CNTNAP5: variants seen among roughly 807,000 people sequenced by gnomAD.
CNTNAP5 encodes contactin associated protein family member 5.
In CNTNAP5, 72 loss-of-function variants were observed where a neutral mutation model predicts 150.2. That is an observed-to-expected ratio of 0.48 (90% CI 0.40 to 0.58). CNTNAP5 has a LOEUF of 0.58. Among genes scored for constraint, CNTNAP5 ranks in the 20% least tolerant of loss-of-function variants. CNTNAP5 has a pLI of 0.00. For synonymous variants in CNTNAP5, 672 were observed against 619.8 expected (o/e 1.08, Z -1.25); for missense variants, 1,636 against 1,626.2 (o/e 1.01, Z -0.10).
Position 124,547,582 on chromosome 2 carries a change from G to C in CNTNAP5, c.1650-15635G>C, listed in dbSNP as rs563139322. Among the ~76,000 whole-genome samples the C allele has an allele frequency of 9.2e-5, 14 of 152,234 alleles. No individual in the cohort carries two copies. In the South Asian group the frequency reaches 2.7e-3, roughly 29 times the overall value. On this transcript the variant is annotated intron_variant, in intron 10 of 23. Transcript: ENST00000682447. ...TCCTGTTGTGTCAGTATCTGGGGTG[G>C]CTGCTCGTATTCATCTCCCATGGTG... is the stretch of plus-strand genomic sequence containing the variant.
chr2:124,845,520 C>G (rs1016083250), intron 19 of CNTNAP5, among the ~76,000 whole-genome samples: 1 of 150,236 alleles, frequency 6.7e-6, no homozygotes, highest in South Asian at 2.1e-4. Context: ...AGGAAGGATG[C>G]CTTCTTTCTC....
At chr2:124,161,114 G>A (rs1684666843) in intron 1 of CNTNAP5, among the ~76,000 whole-genome samples, 1 of 152,166 alleles carries the variant, frequency 6.6e-6, no homozygotes, top group African/African-American at 2.4e-5. Context: ...ATGGCTAGAT[G>A]TTGATAACAT....
At chr2:124,881,013 G>T (rs927197513) in intron 21 of CNTNAP5, among the ~76,000 whole-genome samples, 2 of 152,098 alleles carry the variant, frequency 1.3e-5, no homozygotes, top group African/African-American at 4.8e-5. Flanking sequence ...CAGTAAATAG[G>T]CCATCTGAGA....
At chr2:124,856,742 C>T (rs1024979224) in intron 19 of CNTNAP5, among the ~76,000 whole-genome samples, 1 of 152,128 alleles carries the variant, frequency 6.6e-6, no homozygotes, top group Admixed American at 6.5e-5. Flanking sequence ...ATTAGAGGTG[C>T]TTTGAAATAG....
chr2:124,823,188 T>G (rs1462663381), intron 19 of CNTNAP5, among the ~76,000 whole-genome samples: 1 of 152,168 alleles, frequency 6.6e-6, no homozygotes, highest in Non-Finnish European at 1.5e-5. Context: ...AGTTGATAAG[T>G]GCAGATATGA....
intron 1 of CNTNAP5, among the ~76,000 whole-genome samples, chr2:124,031,527 C>T (rs957583882): frequency 2.6e-5 from 4 of 152,196 alleles, no homozygotes; most frequent in South Asian, 2.1e-4. Context: ...TGATTGGATG[C>T]GGGAGCTGAA....
intron 1 of CNTNAP5, among the ~76,000 whole-genome samples, chr2:124,056,589 T>A (rs1681852865): frequency 6.6e-6 from 1 of 152,144 alleles, no homozygotes; most frequent in Non-Finnish European, 1.5e-5. Context: ...GAGCTTGCAA[T>A]GAGCCGAGAT....
At chr2:124,615,565 C>T (rs7575346) in intron 12 of CNTNAP5, among the ~76,000 whole-genome samples, 4,737 of 152,196 alleles carry the variant, frequency 0.031, 72 homozygotes, top group Middle Eastern at 0.054. Flanking sequence ...CAGTTACTCC[C>T]TCCACTGAAG....
chr2:124,833,661 A>G (rs977271782), intron 19 of CNTNAP5, among the ~76,000 whole-genome samples: 5 of 152,168 alleles, frequency 3.3e-5, no homozygotes, highest in African/African-American at 4.8e-5. Flanking sequence ...AGGGTTCAGT[A>G]CTTCAGTACA....
chr2:124,510,994 A>G (rs1283646827), intron 8 of CNTNAP5, among the ~76,000 whole-genome samples: 1 of 152,156 alleles, frequency 6.6e-6, no homozygotes, highest in African/African-American at 2.4e-5. Flanking sequence ...GACCTCTCAC[A>G]TGGTCATGTG....
intron 19 of CNTNAP5, among the ~76,000 whole-genome samples, chr2:124,858,363 G>A (rs1248860517): frequency 5.3e-5 from 8 of 152,128 alleles, no homozygotes; most frequent in Admixed American, 5.2e-4. Flanking sequence ...AAAGTCTCAG[G>A]ATACAAAATC....
At chr2:124,729,205 G>A (rs1049147742) in intron 13 of CNTNAP5, among the ~76,000 whole-genome samples, 1 of 152,000 alleles carries the variant, frequency 6.6e-6, no homozygotes, top group Non-Finnish European at 1.5e-5. Flanking sequence ...GAATATCAGA[G>A]AATTTCAGGA....
At chr2:124,065,230 T>C (rs1682124538) in intron 1 of CNTNAP5, among the ~76,000 whole-genome samples, 1 of 152,172 alleles carries the variant, frequency 6.6e-6, no homozygotes, top group Admixed American at 6.5e-5. Context: ...AGTTACTGAA[T>C]GTTCTGTTTT....
intron 13 of CNTNAP5, among the ~76,000 whole-genome samples, chr2:124,696,717 C>A (rs897067225): frequency 6.6e-6 from 1 of 152,170 alleles, no homozygotes; most frequent in Admixed American, 6.6e-5. Context: ...CTAAGGTGAG[C>A]GTGTCAAATA....
chr2:124,860,501 TTCTTTCCTTCCTTCCTTCC>T (rs1677500548), intron 19 of CNTNAP5, among the ~76,000 whole-genome samples: 4 of 71,314 alleles, frequency 5.6e-5, no homozygotes, highest in African/African-American at 1.7e-4. Flanking sequence ...CCTTCCTTCC[TTCTTTCCTTCCTTCCTTCC>T]TTCCTTCCTT....
chr2:124,069,264 G>A (rs1415562317), intron 1 of CNTNAP5, among the ~76,000 whole-genome samples: 2 of 152,168 alleles, frequency 1.3e-5, no homozygotes, highest in Admixed American at 6.5e-5. Context: ...ACTGTGGAAG[G>A]GGGAAGGAAG....
intron 3 of CNTNAP5, among the ~76,000 whole-genome samples, chr2:124,293,755 A>C (rs372860249): frequency 3.0e-4 from 46 of 152,252 alleles, no homozygotes; most frequent in African/African-American, 1.1e-3. Flanking sequence ...CGAGATAATC[A>C]CCATAATCCT....
chr2:124,666,228 T>TCTTG (rs1471274538), intron 13 of CNTNAP5, among the ~76,000 whole-genome samples: 3 of 152,164 alleles, frequency 2.0e-5, no homozygotes, highest in African/African-American at 7.2e-5. Context: ...AGTTGGGGCA[T>TCTTG]CTTGAGTCAG....
intron 13 of CNTNAP5, among the ~76,000 whole-genome samples, chr2:124,670,510 A>G (rs1323468204): frequency 6.6e-6 from 1 of 152,118 alleles, no homozygotes; most frequent in Non-Finnish European, 1.5e-5. Flanking sequence ...TTCCCATTCT[A>G]TCTTTTCACT....
Sources: gnomAD v4.1 joint callset for allele counts (sites outside exome capture counted in the v4.1 genomes callset) on GRCh38, gnomAD v4.1.1 for gene constraint, MANE v1.5 for transcripts, NCBI Gene and HGNC (gene_info 2026-07-23, HGNC 2026-07-21) for gene names.